Variants in TRANK1 observed in about 807,000 individuals in gnomAD.
TRANK1 encodes the protein TPR and ankyrin repeat-containing protein 1.
Under a neutral mutation model 266.0 loss-of-function variants are expected in TRANK1, and 198 were observed. The ratio of observed to expected loss-of-function variants is 0.74; its 90% CI spans 0.66 to 0.84. The LOEUF (loss-of-function observed/expected upper bound fraction) is 0.84. TRANK1 is among the 40% of genes least tolerant of loss of function. The pLI, the probability that TRANK1 is intolerant of heterozygous loss-of-function variation, is 0.00. For synonymous variants in TRANK1, 1,396 were observed against 1,384.1 expected (o/e 1.01, Z -0.19); for missense variants, 3,326 against 3,634.6 (o/e 0.92, Z 2.18).
chr3:36,837,469 T>G (rs560358377), intron 20 of TRANK1, among the ~76,000 whole-genome samples: 8 of 152,236 alleles, frequency 5.3e-5, no homozygotes, highest in African/African-American at 1.4e-4. Context: ...ATATTTCACA[T>G]ACAGACAAGA....
At chr3:36,842,523 C>G (rs971992160) in intron 18 of TRANK1, 99 bp downstream of exon 18, 29 of 1,057,676 alleles carry the variant, frequency 2.7e-5, no homozygotes, top group Middle Eastern at 5.6e-4. Context: ...CACCATTACG[C>G]TCATCCTTTC....
intron 1 of TRANK1, among the ~76,000 whole-genome samples, chr3:36,932,078 T>C (rs1300062018): frequency 1.3e-5 from 2 of 152,268 alleles, no homozygotes; most frequent in Non-Finnish European, 2.9e-5. Flanking sequence ...CAGTTTTATG[T>C]AATCTTCACA....
At chr3:36,945,576 G>T (rs1278681146), upstream of TRANK1, among the ~76,000 whole-genome samples, 1 of 152,180 alleles carries the variant, frequency 6.6e-6, no homozygotes, top group Admixed American at 6.5e-5. Context: ...AGTGCGCACA[G>T]GCCTGAGCAG....
chr3:36,863,518 G>C (rs993307277), intron 10 of TRANK1, among the ~76,000 whole-genome samples: 1 of 152,158 alleles, frequency 6.6e-6, no homozygotes, highest in Non-Finnish European at 1.5e-5. Flanking sequence ...TGATACCTAA[G>C]AAAGAAAGGC....
intron 1 of TRANK1, among the ~76,000 whole-genome samples, chr3:36,927,751 C>T (rs895973213): frequency 1.3e-5 from 2 of 152,152 alleles, no homozygotes; most frequent in African/African-American, 4.8e-5. Context: ...GAATAATAAG[C>T]CAGATGCAAC....
chr3:36,885,170 A>G (rs1176860091), intron 8 of TRANK1, among the ~76,000 whole-genome samples: 1 of 152,214 alleles, frequency 6.6e-6, no homozygotes, highest in African/African-American at 2.4e-5. Flanking sequence ...GAAGCCCCAC[A>G]CATCACAAAT....
At chr3:36,855,047 C>A in intron 13 of TRANK1, 126 bp downstream of exon 13, 4 of 871,038 alleles carry the variant, frequency 4.6e-6, no homozygotes, top group Non-Finnish European at 6.9e-6. Flanking sequence ...TATTTACTAA[C>A]AAATTCCAAA....
Position 36,892,949 on chromosome 3 carries a change from T to C in TRANK1, c.588A>G (p.Leu196=), listed in dbSNP as rs1027511588. Residue 196 remains leucine (L), a synonymous_variant, in exon 6 of 24, where the codon TTA becomes TTG. Coordinates refer to ENST00000645898, the MANE Select transcript of TRANK1 (RefSeq NM_001329998.2). Reference sequence around the variant, plus strand: ...ACTCTGGGACATGAATATTTCTTGGTAATCGGTCTTTTTTTGCTGACAGAA... The same window carrying C: ...ACTCTGGGACATGAATATTTCTTGGCAATCGGTCTTTTTTTGCTGACAGAA... ...FLLLSAKKDR[L]PRNIHVPELS... 3.3e-6 allele frequency: 5 copies of C among 1,515,020 alleles called. No homozygotes were observed. The Middle Eastern group carries it at 6.8e-4, about 206-fold the overall frequency. 93.8% of individuals were successfully genotyped at this position (1,515,020 alleles called of 1,614,324 possible).
rs1270991138 is a variant in TRANK1 at position 36,858,049 on chromosome 3, G to A, written c.1673C>T (p.Ala558Val). 6.5e-7 allele frequency: 1 copy of A among 1,537,196 alleles called. No individual in the cohort carries two copies. The highest frequency in any genetic ancestry group is 2.3e-5 in the East Asian group (1 of 43,972). Residue 558 changes from alanine (A) to valine (V), a missense_variant and splice_region_variant, in exon 13 of 24, where the codon GCT (alanine) becomes GTT (valine). Coordinates refer to ENST00000645898, the MANE Select transcript of TRANK1 (RefSeq NM_001329998.2). ...AALHIFLEIKADIGFSFLSHL... is the reference protein window; with the variant it reads ...AALHIFLEIKVDIGFSFLSHL... ...GCTGAGGAAGCTAAAACCAATGTCAGCTGAAAGACACAAACAAAACCCTGT... is the reference window on the plus strand; with the variant it reads ...GCTGAGGAAGCTAAAACCAATGTCAACTGAAAGACACAAACAAAACCCTGT...
intron 1 of TRANK1, among the ~76,000 whole-genome samples, chr3:36,931,873 C>G (rs777043047): frequency 6.6e-6 from 1 of 152,056 alleles, no homozygotes; most frequent in African/African-American, 2.4e-5. Flanking sequence ...ATGATTGCAC[C>G]GCTGCACTGC....
intron 18 of TRANK1, among the ~76,000 whole-genome samples, chr3:36,839,112 C>T (rs1253260774): frequency 1.3e-5 from 2 of 152,150 alleles, no homozygotes; most frequent in Non-Finnish European, 2.9e-5. Context: ...TGGGCTTTGA[C>T]CCAGTTGGTG....
Position 36,852,164 on chromosome 3 carries a change from A to C in TRANK1, c.4731T>G (p.Ile1577Met). The change falls in exon 14 of 24, where the codon ATT becomes ATG. Residue 1577 changes from isoleucine to methionine, a missense_variant. Coordinates refer to ENST00000645898, the MANE Select transcript of TRANK1 (RefSeq NM_001329998.2). ...LRGNKRKTQP[I>M]EFGAHQVILV... Reference sequence around the variant, plus strand: ...AGCTCACCTGGTGGGCTCCAAATTCAATGGGCTGAGTTTTCCTTTTATTCC... The same window carrying C: ...AGCTCACCTGGTGGGCTCCAAATTCCATGGGCTGAGTTTTCCTTTTATTCC... 6.3e-7 allele frequency: 1 copy of C among 1,589,604 alleles called. No individual in the cohort carries two copies. The highest frequency in any genetic ancestry group is 8.5e-7 in the Non-Finnish European group (1 of 1,173,822).
At chr3:36,941,309 C>G (rs919560773) in intron 1 of TRANK1, among the ~76,000 whole-genome samples, 1 of 152,166 alleles carries the variant, frequency 6.6e-6, no homozygotes, top group Admixed American at 6.5e-5. Flanking sequence ...TATAGCTAAA[C>G]CCAGAGTTGG....
At chr3:36,870,787 T>C (rs1304765804) in intron 9 of TRANK1, among the ~76,000 whole-genome samples, 2 of 152,178 alleles carry the variant, frequency 1.3e-5, no homozygotes, top group East Asian at 3.9e-4. Context: ...TGAATTCTAA[T>C]GAGTGAAAAG....
intron 1 of TRANK1, among the ~76,000 whole-genome samples, chr3:36,913,412 TGCTC>T (rs967910593): frequency 6.6e-6 from 1 of 151,376 alleles, no homozygotes; most frequent in African/African-American, 2.4e-5. Flanking sequence ...CTTGCTTGCT[TGCTC>T]ACTTACTTTC....
rs1423923473 is a variant in TRANK1 at position 36,858,373 on chromosome 3, A to G, written c.1673-324T>C. Among the ~76,000 whole-genome samples the G allele has an allele frequency of 6.6e-5, 10 of 152,330 alleles. No individual in the cohort carries two copies. In the East Asian group the frequency reaches 1.7e-3, roughly 26 times the overall value. ...TACAACAAAGAACTACCCAGCCCAA[A>G]TGTCATGGTAGTTCCTGAAATGACC... On this transcript the variant is annotated intron_variant, in intron 12 of 23. Coordinates refer to ENST00000645898, the MANE Select transcript of TRANK1 (RefSeq NM_001329998.2).
rs1438880988 is a variant in TRANK1, at chr3:36,851,265, T to C, written c.4887+454A>G. 4.1e-6 allele frequency: 4 copies of C among 986,826 alleles called. No homozygotes were observed. In the African/African-American group the frequency reaches 7.0e-5, roughly 17 times the overall value. 61.1% of individuals were successfully genotyped at this position (986,826 alleles called of 1,614,324 possible). A position where few individuals can be genotyped will look rare whatever the true frequency, so the allele number is the denominator to read the frequency against. On this transcript the variant is annotated intron_variant, in intron 15 of 23. Transcript: ENST00000645898. ...TGTTCTTGTCCCCCACATTACCTGA[T>C]CCAGAGGGCAGGAACCAAGCCTCAT... is the stretch of plus-strand genomic sequence containing the variant.
chr3:36,945,261 T>G (rs1223252581), upstream of TRANK1, among the ~76,000 whole-genome samples: 1 of 152,074 alleles, frequency 6.6e-6, no homozygotes, highest in Non-Finnish European at 1.5e-5. Context: ...CCTCCGACAC[T>G]CCTCGGGCAT....
chr3:36,851,983 G>A (rs1575202151), intron 14 of TRANK1, 127 bp from the exon 15 acceptor site: 1 of 1,405,982 alleles, frequency 7.1e-7, no homozygotes, highest in Non-Finnish European at 9.5e-7. Context: ...AGGCAGGCCA[G>A]GGGAAAGATT....
Sources: gnomAD v4.1 joint callset for allele counts (sites outside exome capture counted in the v4.1 genomes callset) on GRCh38, gnomAD v4.1.1 for gene constraint, MANE v1.5 for transcripts, NCBI Gene and HGNC (gene_info 2026-07-23, HGNC 2026-07-21) for gene names.